Variants in CHRNA7 observed in about 807,000 individuals in gnomAD.
The protein encoded by CHRNA7 is cholinergic receptor nicotinic alpha 7 subunit.
CHRNA7 carries 17 observed loss-of-function variants against 48.0 expected under a neutral mutation model. The ratio of observed to expected loss-of-function variants is 0.35; its 90% CI spans 0.24 to 0.53. The LOEUF is 0.53. Among genes scored for constraint, CHRNA7 ranks in the 20% least tolerant of loss-of-function variants. CHRNA7 has a pLI of 0.92. For missense variants in CHRNA7, 155 were observed against 577.7 expected (o/e 0.27, Z 7.50); for synonymous variants, 75 against 242.3 (o/e 0.31, Z 6.41).
At chr15:32,152,573 A>T (rs28408277) in intron 4 of CHRNA7, among the ~76,000 whole-genome samples, 14,510 of 152,168 alleles carry the variant, frequency 0.095, 1,014 homozygotes, top group East Asian at 0.35. Flanking sequence ...GGAAGGGAGG[A>T]GCAGGGCACG....
chr15:32,135,533 C>G (rs904499112), intron 4 of CHRNA7, among the ~76,000 whole-genome samples: 1 of 152,174 alleles, frequency 6.6e-6, no homozygotes, highest in African/African-American at 2.4e-5. Flanking sequence ...GCTTACGGTC[C>G]GCGCACAGTG....
intron 2 of CHRNA7, among the ~76,000 whole-genome samples, chr15:32,081,827 C>A (rs2050220293): frequency 6.6e-6 from 1 of 152,158 alleles, no homozygotes; most frequent in Non-Finnish European, 1.5e-5. Context: ...CCTGCTTTCT[C>A]TCCACTCTTC....
At chr15:32,045,900 T>C (rs944583415) in intron 2 of CHRNA7, among the ~76,000 whole-genome samples, 4 of 147,798 alleles carry the variant, frequency 2.7e-5, no homozygotes, top group Non-Finnish European at 6.0e-5. Flanking sequence ...TTCCCATCTA[T>C]GAGTGAGAAC....
intron 4 of CHRNA7, among the ~76,000 whole-genome samples, chr15:32,133,130 A>T (rs566413836): frequency 6.6e-6 from 1 of 152,170 alleles, no homozygotes; most frequent in Non-Finnish European, 1.5e-5. Flanking sequence ...CCTCATAGGG[A>T]TGAATTTCCA....
intron 2 of CHRNA7, among the ~76,000 whole-genome samples, chr15:32,064,224 T>C (rs150303596): frequency 4.6e-5 from 7 of 152,230 alleles, no homozygotes; most frequent in East Asian, 3.9e-4. Context: ...TCTTCCTCCT[T>C]CTTCTTCTTT....
intron 4 of CHRNA7, among the ~76,000 whole-genome samples, chr15:32,131,845 G>T (rs753615681): frequency 6.6e-6 from 1 of 152,122 alleles, no homozygotes; most frequent in African/African-American, 2.4e-5. Flanking sequence ...TAGCAGAGGA[G>T]GGAGGACACC....
At chr15:32,031,187 C>T (rs1901821721) in intron 2 of CHRNA7, 150 bp downstream of exon 2, 2 of 889,586 alleles carry the variant, frequency 2.2e-6, no homozygotes, top group South Asian at 3.5e-5. Flanking sequence ...AGTCTGTCCC[C>T]AGCCTGCCCT....
rs373282502 is a variant in CHRNA7 at position 32,031,693 on chromosome 15, G to A, written c.195+656G>A. 7.2e-4 allele frequency among the ~76,000 whole-genome samples: 110 copies of A among 152,362 alleles called. No individual in the cohort carries two copies. The South Asian group carries it at 0.021, about 29-fold the overall frequency. ...CTGCCATCAGTTCCGTGGGTCTCTT[G>A]CCTTGCAGCCTTGCTAGTGCCCACT... On this transcript the variant is annotated intron_variant, in intron 2 of 9. Transcript: ENST00000306901.
chr15:32,138,841 C>T lies in CHRNA7; in HGVS notation c.351-15066C>T, dbSNP rs112230280. Among the ~76,000 whole-genome samples, 834 of 152,208 alleles carry T rather than the reference C, an allele frequency of 5.5e-3. 12 individuals are homozygous for T. The highest frequency in any genetic ancestry group is 0.033 in the South Asian group (157 of 4,820). ...CGATCTCGGCTCACTGCAACCTCCA[C>T]GTCCCGGGTTCAAGCGATTCTCCCA... On this transcript the variant is annotated intron_variant, in intron 4 of 9. Coordinates refer to ENST00000306901, the MANE Select transcript of CHRNA7 (RefSeq NM_000746.6).
chr15:32,140,739 C>T (rs2051363580), intron 4 of CHRNA7, among the ~76,000 whole-genome samples: 1 of 152,102 alleles, frequency 6.6e-6, no homozygotes, highest in South Asian at 2.1e-4. Flanking sequence ...AGAAGTGTCT[C>T]TTCATATCCT....
Position 32,139,239 on chromosome 15 carries a change from G to T in CHRNA7, c.351-14668G>T, listed in dbSNP as rs898186028. 2.0e-5 allele frequency among the ~76,000 whole-genome samples: 3 copies of T among 152,074 alleles called. No individual in the cohort carries two copies. The East Asian group carries it at 5.8e-4, about 29-fold the overall frequency. On this transcript the variant is annotated intron_variant, in intron 4 of 9. Transcript: ENST00000306901. ...GCACTGAATAATAATCCATTGTTTG[G>T]ATATAGCACAGTTAGTTTATCCATT... is the stretch of plus-strand genomic sequence containing the variant.
chr15:32,168,756 G>GTTTTA lies in CHRNA7; in HGVS notation c.*298_*299insTTTTA. 1 of 25,130 alleles carries GTTTTA rather than the reference G, an allele frequency of 4.0e-5. No individual in the cohort carries two copies. Among genetic ancestry groups the GTTTTA allele is most frequent in the Non-Finnish European group, 7.4e-5 (1 of 13,444 alleles). 1.6% of individuals were successfully genotyped at this position (25,130 alleles called of 1,614,324 possible). On this transcript the variant is annotated 3_prime_UTR_variant, in exon 10 of 10. Transcript: ENST00000306901. ...CACTGCCTGGAAAGCCCTTCGGAGAGCTCCCCATGGCTCCTCACCACCGAG... is the reference window on the plus strand; with the variant it reads ...CACTGCCTGGAAAGCCCTTCGGAGAGTTTTACTCCCCATGGCTCCTCACCACCGAG...
At chr15:32,045,694 T>G (rs1171897486) in intron 2 of CHRNA7, among the ~76,000 whole-genome samples, 1 of 151,788 alleles carries the variant, frequency 6.6e-6, no homozygotes, top group Non-Finnish European at 1.5e-5. Context: ...ATATTTTAAG[T>G]TTTAGGGTAC....
At chr15:32,069,095 T>C (rs988196142) in intron 2 of CHRNA7, among the ~76,000 whole-genome samples, 12 of 152,240 alleles carry the variant, frequency 7.9e-5, no homozygotes, top group Admixed American at 2.0e-4. Flanking sequence ...ACATTAGACT[T>C]AATAATAGAG....
chr15:32,069,766 T>C (rs935789512), intron 2 of CHRNA7, among the ~76,000 whole-genome samples: 11 of 152,342 alleles, frequency 7.2e-5, no homozygotes, highest in African/African-American at 2.6e-4. Context: ...CCAAACCTTC[T>C]TATATCTTGA....
At position 32,030,626 on chromosome 15, in the gene CHRNA7, C is replaced by A; in HGVS notation, c.32C>A (p.Ala11Glu). The change falls in exon 1 of 10, where the codon GCG (alanine) becomes GAG (glutamate). Residue 11 changes from alanine (A) to glutamate (E), a missense_variant. Transcript: ENST00000306901. ...TGCTCGCCGGGAGGCGTCTGGCTGG[C>A]GCTGGCCGCGTCGCTCCTGCACGGT... MRCSPGGVWL[A>E]LAASLLHVSL... The A allele has an allele frequency of 1.3e-6, 2 of 1,569,498 alleles. No homozygotes were observed. The highest frequency in any genetic ancestry group is 3.5e-5 in the Admixed American group (2 of 56,620).
intron 4 of CHRNA7, among the ~76,000 whole-genome samples, chr15:32,139,101 A>G (rs1417469118): frequency 1.3e-5 from 2 of 152,158 alleles, no homozygotes; most frequent in South Asian, 2.1e-4. Flanking sequence ...AGAATATCAT[A>G]TAATTGGAAT....
chr15:32,036,815 G>A (rs1016783292), intron 2 of CHRNA7, among the ~76,000 whole-genome samples: 4 of 140,186 alleles, frequency 2.9e-5, no homozygotes, highest in Non-Finnish European at 4.6e-5. Flanking sequence ...AAGAGTTTTT[G>A]TATATTTTTG....
chr15:32,071,827 C>T (rs2050063082), intron 2 of CHRNA7, among the ~76,000 whole-genome samples: 1 of 147,596 alleles, frequency 6.8e-6, no homozygotes, highest in African/African-American at 2.5e-5. Context: ...AAATAAGCCT[C>T]TTTTTTTTTT....
Sources: allele counts gnomAD v4.1 joint callset (sites outside exome capture counted in the v4.1 genomes callset), GRCh38; gene constraint gnomAD v4.1.1; transcripts MANE v1.5; gene names NCBI Gene and HGNC (gene_info 2026-07-23, HGNC 2026-07-21).